The following STK11IP variants were observed in gnomAD, a reference collection of about 807,000 sequenced individuals.
STK11IP encodes the protein serine/threonine kinase 11 interacting protein, also known as serine/threonine-protein kinase 11-interacting protein.
In STK11IP, 103 loss-of-function variants were observed where a neutral mutation model predicts 131.7. That is an observed-to-expected ratio of 0.78 (90% confidence interval 0.67 to 0.92). STK11IP has a LOEUF of 0.92. Among genes scored for constraint, STK11IP ranks in the 40% least tolerant of loss-of-function variants. The probability of loss-of-function intolerance (pLI) is 0.00; values close to 1 mark genes in which losing one functional copy is unlikely to be tolerated. For missense variants in STK11IP, 1,315 were observed against 1,385.7 expected, an observed-to-expected ratio of 0.95 and a Z score of 0.81; for synonymous variants, 557 against 575.6, an observed-to-expected ratio of 0.97 and a Z score of 0.46.
intron 6 of STK11IP, 32 bp downstream of exon 6, chr2:219,602,607 G>T (rs547710737): frequency 1.3e-5 from 21 of 1,612,518 alleles, no homozygotes; most frequent in Non-Finnish European, 1.7e-5. Context: ...GGGTTTCGAG[G>T]AAGGGCAAGG....
In STK11IP at chr2:219,608,136, C is replaced by T. The variant is rs1698256766; in HGVS notation, c.1309C>T (p.Leu437=). 5 of 1,613,374 alleles carry T rather than the reference C, an allele frequency of 3.1e-6. No homozygotes were observed. The highest frequency in any genetic ancestry group is 4.2e-6 in the Non-Finnish European group (5 of 1,179,904). Residue 437 remains leucine, a synonymous_variant, in exon 14 of 25, where the codon CTG becomes TTG. Transcript: ENST00000456909. ...GRNWLQYRSH[L]EPSGNPLPAT... The stretch of plus-strand genomic sequence containing the variant: ...CAACTGGCTGCAGTACAGGAGTCAC[C>T]TGGAGCCCTCCGGAAACCCTCTGCC...
At position 219,602,065 on chromosome 2, in the gene STK11IP, G is replaced by C; in HGVS notation, c.420G>C (p.Arg140Ser). ...AGCTGGAGACCCTGATTTGCAGCAG[G>C]AGCCTCCAGGCATTAGAGGTAAGGA... ...YSQLETLICS[R>S]SLQALEELLS... The change falls in exon 5 of 25, where the codon AGG (arginine) becomes AGC (serine). Residue 140 changes from arginine (R) to serine (S), a missense_variant. Coordinates refer to ENST00000456909, the MANE Select transcript of STK11IP (RefSeq NM_052902.4). 6.2e-7 allele frequency: 1 copy of C among 1,606,996 alleles called. No homozygotes were observed. The highest frequency in any genetic ancestry group is 8.5e-7 in the Non-Finnish European group (1 of 1,176,882).
chr2:219,609,681 G>A, intron 17 of STK11IP, 141 bp downstream of exon 17: 4 of 910,170 alleles, frequency 4.4e-6, no homozygotes, highest in South Asian at 1.7e-5. Context: ...GGAGGAAAAA[G>A]AAAACCGTCT....
chr2:219,599,736 ATTT>A (rs58226404), intron 2 of STK11IP, among the ~76,000 whole-genome samples: 2 of 141,034 alleles, frequency 1.4e-5, no homozygotes, highest in Non-Finnish European at 1.6e-5. Context: ...AGTGTCCTGA[ATTT>A]TTTTTTTTTT....
chr2:219,614,377 C>T (rs1698505453), intron 22 of STK11IP, 99 bp from the exon 23 acceptor site: 5 of 1,516,124 alleles, frequency 3.3e-6, no homozygotes, highest in Admixed American at 3.5e-5. Context: ...CCCCTAGTGT[C>T]TCCTCCCAAC....
At chr2:219,605,547 G>A (rs1698121813) in intron 7 of STK11IP, 61 bp from the exon 8 acceptor site, 2 of 1,538,024 alleles carry the variant, frequency 1.3e-6, no homozygotes, top group African/African-American at 2.7e-5. Flanking sequence ...AGAGGTCTCA[G>A]AGGACCCTGG....
intron 15 of STK11IP, 108 bp from the exon 16 acceptor site, chr2:219,608,989 C>A: frequency 9.3e-7 from 1 of 1,076,352 alleles, no homozygotes; most frequent in Non-Finnish European, 1.4e-6. Flanking sequence ...CAGTACAGGC[C>A]TTTGACAGGC....
rs1697840242 is a variant in STK11IP, at chr2:219,597,884, G to A, written c.-66G>A. ...TTCCTTTCCATCATTGATAGGCGCCGGGCAGCTGAGCTGGTAGGAGGACCA... is the reference window on the plus strand; with the variant it reads ...TTCCTTTCCATCATTGATAGGCGCCAGGCAGCTGAGCTGGTAGGAGGACCA... On this transcript the variant is annotated 5_prime_UTR_variant, in exon 1 of 25. Transcript: ENST00000456909. 3.1e-6 allele frequency: 5 copies of A among 1,607,722 alleles called. No individual in the cohort carries two copies. The highest frequency in any genetic ancestry group is 4.2e-6 in the Non-Finnish European group (5 of 1,177,226).
rs759551934 is a variant in STK11IP, at chr2:219,613,835, A to G, written c.2621A>G (p.Gln874Arg). The stretch of plus-strand genomic sequence containing the variant: ...GGCATAGAGCTGGGCCTGGCAGGCC[A>G]GAGCCTGCGGCTAGAGTGGGCAGCT... The part of the protein sequence containing the change: ...LSGIELGLAG[Q>R]SLRLEWAAGA... Residue 874 changes from glutamine (Q) to arginine (R), a missense_variant, in exon 21 of 25, where the codon CAG (glutamine) becomes CGG (arginine). Coordinates refer to ENST00000456909, the MANE Select transcript of STK11IP (RefSeq NM_052902.4). The G allele has an allele frequency of 5.0e-6, 8 of 1,612,232 alleles. No individual in the cohort carries two copies. In the South Asian group the frequency reaches 7.7e-5, roughly 15 times the overall value.
Position 219,609,463 on chromosome 2 carries a change from G to A in STK11IP, c.2027G>A (p.Gly676Asp). 2 of 1,609,938 alleles carry A rather than the reference G, an allele frequency of 1.2e-6. No individual in the cohort carries two copies. The highest frequency in any genetic ancestry group is 1.7e-6 in the Non-Finnish European group (2 of 1,178,302). The part of the protein sequence containing the change: ...LLGRFQCLRC[G>D]HEFKPEEPRM... ...GGTAGATTCCAGTGTCTACGCTGTG[G>A]CCATGAGTTCAAGCCAGAGGAGCCC... is the stretch of plus-strand genomic sequence containing the variant. Residue 676 changes from glycine to aspartate, a missense_variant, in exon 17 of 25, where the codon GGC becomes GAC. By Grantham distance (94) the Gly-to-Asp change is moderately conservative. Coordinates refer to ENST00000456909, the MANE Select transcript of STK11IP (RefSeq NM_052902.4).
rs542660654 is a variant in STK11IP at position 219,608,767 on chromosome 2, C to T, written c.1788C>T (p.Ala596=). 378 of 1,607,578 alleles carry T rather than the reference C, an allele frequency of 2.4e-4. 1 individual carries two copies. The highest frequency in any genetic ancestry group is 2.6e-4 in the Non-Finnish European group (310 of 1,177,730). The part of the protein sequence containing the change: ...EAAEIEPEAQ[A]QRSPRPTGSD... ...CTGAGATAGAGCCGGAGGCCCAGGC[C>T]CAGAGGTCGCCCAGGCCCACGGTGA... The change falls in exon 15 of 25, where the codon GCC becomes GCT. Residue 596 remains alanine (A), a synonymous_variant. Transcript: ENST00000456909.
intron 11 of STK11IP, 75 bp from the exon 12 acceptor site, chr2:219,606,637 C>G (rs1698173860): frequency 8.1e-6 from 13 of 1,596,736 alleles, no homozygotes; most frequent in Non-Finnish European, 1.1e-5. Flanking sequence ...AGGGTCCCGC[C>G]TTTTGGCTGG....
chr2:219,614,022 CAG>C (rs921894575), intron 21 of STK11IP, 92 bp downstream of exon 21: 12 of 1,496,584 alleles, frequency 8.0e-6, no homozygotes, highest in East Asian at 2.4e-5. Flanking sequence ...GTAGCGGAGA[CAG>C]AGAGGTAACA....
Position 219,597,939 on chromosome 2 carries a change from A to G in STK11IP, c.-27+16A>G. On this transcript the variant is annotated intron_variant, in intron 1 of 24. Transcript: ENST00000456909. ...GGGAGGTTCGGTATGTCTGACCAGG[A>G]CTTATGTTCCTCGAAAGGGCGGCCA... 12 of 1,611,692 alleles carry G rather than the reference A, an allele frequency of 7.4e-6. No individual in the cohort carries two copies. Among genetic ancestry groups the G allele is most frequent in the Non-Finnish European group, 1.0e-5 (12 of 1,178,978 alleles).
chr2:219,615,698 T>C (rs1286255296), intron 24 of STK11IP: 1 of 638,928 alleles, frequency 1.6e-6, no homozygotes, highest in East Asian at 3.4e-5. Flanking sequence ...TTACTGGTCC[T>C]ATTTACAGGT....
chr2:219,598,835 C>T (rs1461665111), intron 2 of STK11IP, among the ~76,000 whole-genome samples: 1 of 152,198 alleles, frequency 6.6e-6, no homozygotes, highest in Non-Finnish European at 1.5e-5. Flanking sequence ...AAAGCCTTGG[C>T]TTTGAGATCA....
intron 1 of STK11IP, 23 bp from the exon 2 acceptor site, chr2:219,598,071 C>A (rs769972775): frequency 4.4e-6 from 7 of 1,576,174 alleles, no homozygotes; most frequent in Non-Finnish European, 6.0e-6. Context: ...TGAGGCTCTT[C>A]CGCTTCCTCT....
At chr2:219,608,021 C>G (rs774662273) in intron 13 of STK11IP, 26 bp from the exon 14 acceptor site, 2 of 1,596,996 alleles carry the variant, frequency 1.3e-6, no homozygotes, top group African/African-American at 2.7e-5. Context: ...CAGGCTTGCT[C>G]AGTTCTGGGT....
chr2:219,608,484 G>A (rs546826162), intron 14 of STK11IP, 54 bp downstream of exon 14: 1 of 1,533,930 alleles, frequency 6.5e-7, no homozygotes, highest in East Asian at 2.3e-5. Flanking sequence ...TGGGATGTTT[G>A]TGAGTGGTGG....
Sources: gnomAD v4.1 joint callset for allele counts (sites outside exome capture counted in the v4.1 genomes callset) on GRCh38, gnomAD v4.1.1 for gene constraint, MANE v1.5 for transcripts, NCBI Gene and HGNC (gene_info 2026-07-23, HGNC 2026-07-21) for gene names.